Variants in PAICS observed in about 807,000 individuals in gnomAD.
PAICS encodes bifunctional phosphoribosylaminoimidazole carboxylase/phosphoribosylaminoimidazole succinocarboxamide synthetase.
Under a neutral mutation model 53.7 loss-of-function variants are expected in PAICS, and 33 were observed. That is an observed-to-expected ratio of 0.61 (90% CI 0.47 to 0.82). The LOEUF (loss-of-function observed/expected upper bound fraction) is 0.82, where lower values mean the gene tolerates loss of function less well. PAICS is among the 40% of genes least tolerant of loss of function. The probability of loss-of-function intolerance (pLI) is 0.00; values close to 1 mark genes in which losing one functional copy is unlikely to be tolerated. For synonymous variants in PAICS, 141 were observed against 167.2 expected, an observed-to-expected ratio of 0.84 and a Z score of 1.21; for missense variants, 394 against 494.1, an observed-to-expected ratio of 0.80 and a Z score of 1.92.
the PAICS span, chr4:56,421,726 C>T: frequency 6.6e-6 from 1 of 152,224 alleles, no homozygotes; most frequent in Non-Finnish European, 1.5e-5. Context: ...TGCTAGAGAA[C>T]TATACATCTC....
upstream of PAICS, chr4:56,431,321 G>A: frequency 2.8e-6 from 1 of 356,448 alleles, no homozygotes; most frequent in African/African-American, 2.2e-5. Flanking sequence ...AAAACTAAAT[G>A]AAGATTAACT....
chr4:56,457,319 G>A (rs1719263068), intron 8 of PAICS, among the ~76,000 whole-genome samples: 1 of 152,154 alleles, frequency 6.6e-6, no homozygotes, highest in Non-Finnish European at 1.5e-5. Context: ...AAGCCAAGGT[G>A]GGATGATCAC....
rs1039995172 is a variant in PAICS, at chr4:56,453,707, C to T, written c.1057C>T (p.Leu353Phe). The T allele has an allele frequency of 1.3e-6, 2 of 1,555,736 alleles. No homozygotes were observed. Among genetic ancestry groups the T allele is most frequent in the African/African-American group, 1.4e-5 (1 of 73,516 alleles). Reference sequence around the variant, plus strand: ...ATATCCAGTTATCAGCTGTCCTCCCCTCACACCAGACTGGGGAGTTCAGGA... The same window carrying T: ...ATATCCAGTTATCAGCTGTCCTCCCTTCACACCAGACTGGGGAGTTCAGGA... ...TAYPVISCPP[L>F]TPDWGVQDVW... The change falls in exon 8 of 9, where the codon CTC becomes TTC. Residue 353 changes from leucine to phenylalanine, a missense_variant. This residue lies in a region of PAICS where 95 missense variants were observed against 89.3 expected (regional missense o/e 1.06). Coordinates refer to ENST00000512576, the MANE Select transcript of PAICS (RefSeq NM_001079524.2).
chr4:56,435,454 G>A (rs761246399), upstream of PAICS: 3 of 1,613,842 alleles, frequency 1.9e-6, no homozygotes, highest in South Asian at 3.3e-5. Context: ...ATTCCTCTCG[G>A]ATCCCCAACT....
chr4:56,448,330 A>G (rs1016255359), intron 3 of PAICS, 88 bp from the exon 4 acceptor site: 75 of 933,746 alleles, frequency 8.0e-5, no homozygotes, highest in Non-Finnish European at 1.0e-4. Context: ...TAAGGAGTTC[A>G]TGCTCAAGGT....
At chr4:56,453,953 T>G (rs1398546500) in intron 8 of PAICS, among the ~76,000 whole-genome samples, 192 bp downstream of exon 8, 1 of 152,190 alleles carries the variant, frequency 6.6e-6, no homozygotes, top group Non-Finnish European at 1.5e-5. Context: ...AATTTATACT[T>G]AAGTATATGT....
chr4:56,423,549 C>T, the PAICS span: 3 of 151,990 alleles, frequency 2.0e-5, no homozygotes, highest in Non-Finnish European at 4.4e-5. Context: ...AAGTTAAGAG[C>T]TTTAGTATTC....
chr4:56,435,314 G>T (rs765642098), upstream of PAICS: 1 of 1,611,206 alleles, frequency 6.2e-7, no homozygotes, highest in South Asian at 1.1e-5. Context: ...GAGAGATGGA[G>T]ACGCACGCCC....
intron 7 of PAICS, 93 bp downstream of exon 7, chr4:56,452,145 T>A: frequency 1.2e-6 from 1 of 840,516 alleles, no homozygotes; most frequent in Non-Finnish European, 1.8e-6. Flanking sequence ...AAAAGAGCTT[T>A]GTCAGTTTTC....
upstream of PAICS, among the ~76,000 whole-genome samples, chr4:56,435,161 A>G (rs1717830821): frequency 6.6e-6 from 1 of 152,176 alleles, no homozygotes; most frequent in Non-Finnish European, 1.5e-5. Context: ...AGGACAGGCT[A>G]AAGTTCATGG....
chr4:56,431,010 T>C (rs1717554580), upstream of PAICS, among the ~76,000 whole-genome samples: 1 of 151,954 alleles, frequency 6.6e-6, no homozygotes, highest in Admixed American at 6.6e-5. Flanking sequence ...AAAAAAGTTA[T>C]AAATGGAAGG....
chr4:56,459,607 C>A lies in PAICS; in HGVS notation c.*69C>A. Reference sequence around the variant, plus strand: ...CTAATTTAGCTGAAGGAAAATCAAGCAAGATGAAAAGGTAATTTTAAATTA... The same window carrying A: ...CTAATTTAGCTGAAGGAAAATCAAGAAAGATGAAAAGGTAATTTTAAATTA... On this transcript the variant is annotated 3_prime_UTR_variant, in exon 9 of 9. Coordinates refer to ENST00000512576, the MANE Select transcript of PAICS (RefSeq NM_001079524.2). 2 of 1,174,406 alleles carry A rather than the reference C, an allele frequency of 1.7e-6. No homozygotes were observed. The highest frequency in any genetic ancestry group is 2.4e-6 in the Non-Finnish European group (2 of 833,198). The allele number at this position is 1,174,406 out of a possible 1,614,324, so 72.7% of individuals were successfully genotyped here.
At chr4:56,445,036 A>T (rs1553941764) in intron 2 of PAICS, among the ~76,000 whole-genome samples, 1 of 151,636 alleles carries the variant, frequency 6.6e-6, no homozygotes, top group Non-Finnish European at 1.5e-5. Context: ...ATTGCATCTA[A>T]TTTTTTTTTA....
chr4:56,452,957 C>A (rs1718990806), intron 7 of PAICS, among the ~76,000 whole-genome samples: 1 of 152,076 alleles, frequency 6.6e-6, no homozygotes, highest in Admixed American at 6.6e-5. Flanking sequence ...ACTCAGACTC[C>A]TTTGATAGCT....
intron 3 of PAICS, among the ~76,000 whole-genome samples, chr4:56,447,878 T>C (rs1049665329): frequency 6.6e-6 from 1 of 152,056 alleles, no homozygotes; most frequent in Non-Finnish European, 1.5e-5. Flanking sequence ...ACAAAAAATT[T>C]CTTTAGATGT....
intron 1 of PAICS, among the ~76,000 whole-genome samples, chr4:56,438,756 A>G (rs1023979927): frequency 6.6e-6 from 1 of 152,120 alleles, no homozygotes; most frequent in Non-Finnish European, 1.5e-5. Context: ...AACCCTATAT[A>G]CACAAAATAC....
chr4:56,410,658 AATCATTAGGAGT>A, the PAICS span: 2 of 986,816 alleles, frequency 2.0e-6, no homozygotes, highest in Non-Finnish European at 2.4e-6. Context: ...AAAAGGCTGC[AATCATTAGGAGT>A]ATACAGAGAC....
intron 1 of PAICS, among the ~76,000 whole-genome samples, chr4:56,440,495 T>TATGTACATA (rs1318966555): frequency 6.6e-6 from 1 of 152,060 alleles, no homozygotes; most frequent in African/African-American, 2.4e-5. Context: ...CCCCCACCCC[T>TATGTACATA]TCCCCTGCCC....
upstream of PAICS, chr4:56,435,757 T>C: frequency 6.7e-7 from 1 of 1,492,476 alleles, no homozygotes; most frequent in Non-Finnish European, 8.9e-7. Flanking sequence ...GAGCTAGCCT[T>C]CCCCTAAGAG....
Sources: gnomAD v4.1 joint callset for allele counts (sites outside exome capture counted in the v4.1 genomes callset) on GRCh38, gnomAD v4.1.1 for gene constraint, gnomAD v4.1.1 regional missense constraint, MANE v1.5 for transcripts, NCBI Gene and HGNC (gene_info 2026-07-23, HGNC 2026-07-21) for gene names.